Variants in BRD10 observed in about 807,000 individuals in gnomAD.
BRD10 encodes the protein uncharacterized bromodomain-containing protein 10.
the BRD10 span, among the ~76,000 whole-genome samples, chr9:5,953,231 C>A: frequency 3.3e-5 from 5 of 152,146 alleles, no homozygotes; most frequent in South Asian, 1.0e-3. Context: ...ATCTGAACAC[C>A]ACTTTTATCT....
the BRD10 span, among the ~76,000 whole-genome samples, chr9:5,918,503 A>C: frequency 6.6e-6 from 1 of 152,136 alleles, no homozygotes; most frequent in Admixed American, 6.5e-5. Context: ...ATCTCTTGAG[A>C]CCAGGAGTTC....
chr9:5,921,581 T>A, the BRD10 span: 2 of 1,613,924 alleles, frequency 1.2e-6, no homozygotes, highest in Non-Finnish European at 1.7e-6. Context: ...CAGCATAAGT[T>A]TCTGAACTGG....
At chr9:5,996,879 T>A in the BRD10 span, among the ~76,000 whole-genome samples, 1 of 152,186 alleles carries the variant, frequency 6.6e-6, no homozygotes, top group Non-Finnish European at 1.5e-5. Context: ...GAACAGAAGC[T>A]CTCTAGGTCA....
chr9:5,924,859 C>T, the BRD10 span: 3 of 1,445,898 alleles, frequency 2.1e-6, no homozygotes, highest in South Asian at 1.7e-5. Context: ...AAATAAAATG[C>T]CCAACATAAT....
At chr9:6,007,044 C>CTG in the BRD10 span, 1 of 779,150 alleles carries the variant, frequency 1.3e-6, no homozygotes, top group Non-Finnish European at 2.0e-6. Flanking sequence ...CCGGTCCCCG[C>CTG]CCAGCGCCGC....
the BRD10 span, among the ~76,000 whole-genome samples, chr9:5,972,418 T>C: frequency 1.3e-5 from 2 of 152,218 alleles, no homozygotes; most frequent in Admixed American, 6.5e-5. Flanking sequence ...TTGATATAGT[T>C]TGGATATCTG....
At chr9:5,920,113 T>G in the BRD10 span, 1 of 1,613,928 alleles carries the variant, frequency 6.2e-7, no homozygotes, top group Non-Finnish European at 8.5e-7. Flanking sequence ...TTGTAGGGCT[T>G]CTTAGAGGAT....
At chr9:5,919,251 T>A in the BRD10 span, 1 of 151,884 alleles carries the variant, frequency 6.6e-6, no homozygotes, top group Admixed American at 6.5e-5. Context: ...ATATATGTAT[T>A]TTTTTTTTTA....
the BRD10 span, among the ~76,000 whole-genome samples, chr9:5,971,142 C>G: frequency 1.5e-5 from 2 of 131,120 alleles, no homozygotes; most frequent in African/African-American, 5.7e-5. Flanking sequence ...AAATGAACAA[C>G]AAAAGCACAT....
At chr9:5,972,891 G>C in the BRD10 span, among the ~76,000 whole-genome samples, 1 of 152,004 alleles carries the variant, frequency 6.6e-6, no homozygotes, top group Non-Finnish European at 1.5e-5. Flanking sequence ...CAGAAAATAA[G>C]TGCCAACAGA....
chr9:5,944,922 G>A, the BRD10 span: 1 of 1,544,044 alleles, frequency 6.5e-7, no homozygotes, highest in South Asian at 1.2e-5. Context: ...CGATTTTTGT[G>A]ATTAATTCCC....
At chr9:5,904,479 T>G in the BRD10 span, among the ~76,000 whole-genome samples, 1 of 152,166 alleles carries the variant, frequency 6.6e-6, no homozygotes, top group Non-Finnish European at 1.5e-5. Context: ...TTATACTTTT[T>G]TCTTTTTGAG....
chr9:5,933,128 T>C, the BRD10 span, among the ~76,000 whole-genome samples: 29 of 152,320 alleles, frequency 1.9e-4, no homozygotes, highest in Admixed American at 7.8e-4. Context: ...AGCAGTGCTA[T>C]GACTTTCTCT....
the BRD10 span, among the ~76,000 whole-genome samples, chr9:5,948,531 G>A: frequency 4.0e-5 from 6 of 151,674 alleles, no homozygotes; most frequent in Non-Finnish European, 8.8e-5. Flanking sequence ...CCGTATCTCA[G>A]AACTACATAA....
the BRD10 span, among the ~76,000 whole-genome samples, chr9:5,985,770 A>G: frequency 7.0e-6 from 1 of 142,476 alleles, no homozygotes; most frequent in Non-Finnish European, 1.5e-5. Context: ...GGGCAACAAC[A>G]GCAAAACTCC....
At chr9:5,905,791 T>A in the BRD10 span, among the ~76,000 whole-genome samples, 1 of 152,200 alleles carries the variant, frequency 6.6e-6, no homozygotes, top group South Asian at 2.1e-4. Flanking sequence ...CCTGTCTTCC[T>A]GAAACATATA....
the BRD10 span, among the ~76,000 whole-genome samples, chr9:5,938,345 G>A: frequency 6.6e-6 from 1 of 150,970 alleles, no homozygotes; most frequent in Non-Finnish European, 1.5e-5. Flanking sequence ...TCAAGGCTGA[G>A]GTGGGAGAAT....
At chr9:5,985,785 C>A in the BRD10 span, among the ~76,000 whole-genome samples, 1 of 143,866 alleles carries the variant, frequency 7.0e-6, no homozygotes, top group African/African-American at 2.6e-5. Context: ...AACTCCGTCT[C>A]AAAAAAAATA....
the BRD10 span, among the ~76,000 whole-genome samples, chr9:5,993,137 G>A: frequency 6.6e-6 from 1 of 151,928 alleles, no homozygotes; most frequent in Non-Finnish European, 1.5e-5. Flanking sequence ...CCAACATGGT[G>A]AAACCCCATC....
Sources: gnomAD v4.1 joint callset for allele counts (sites outside exome capture counted in the v4.1 genomes callset) on GRCh38, gnomAD v4.1.1 for gene constraint, MANE v1.5 for transcripts, NCBI Gene and HGNC (gene_info 2026-07-23, HGNC 2026-07-21) for gene names.